Variants in ASPSCR1 observed in about 807,000 individuals in gnomAD.
ASPSCR1 encodes the protein ASPSCR1 tether for SLC2A4, UBX domain containing, also known as tether containing UBX domain for GLUT4.
ASPSCR1 carries 55 observed loss-of-function variants against 68.9 expected under a neutral mutation model. The observed-to-expected ratio is 0.80, with a 90% CI of 0.64 to 1.00. ASPSCR1 has a LOEUF of 1.00. ASPSCR1 is among the 50% of genes least tolerant of loss of function. The probability of loss-of-function intolerance (pLI) is 0.00; values close to 1 mark genes in which losing one functional copy is unlikely to be tolerated. For missense variants in ASPSCR1, 765 were observed against 762.2 expected (o/e 1.00, Z -0.04); for synonymous variants, 352 against 332.6 (o/e 1.06, Z -0.63).
chr17:81,996,521 A>G lies in ASPSCR1; in HGVS notation c.608A>G (p.Glu203Gly), dbSNP rs749301332. Residue 203 changes from glutamate to glycine, a missense_variant, in exon 7 of 16, where the codon GAA becomes GGA. Glu to Gly is a moderately conservative substitution (Grantham distance 98). Transcript: ENST00000306739. Reference protein sequence around the residue: ...QAAASAPLPLESGELSRGDLS... With the variant: ...QAAASAPLPLGSGELSRGDLS... ...GCCGCCAGCGCTCCACTTCCCTTGG[A>G]ATCTGGGGAGCTCAGCCGCGGCGAC... The G allele has an allele frequency of 6.2e-7, 1 of 1,612,812 alleles. No homozygotes were observed. Among genetic ancestry groups the G allele is most frequent in the Admixed American group, 1.7e-5 (1 of 59,984 alleles).
intron 4 of ASPSCR1, among the ~76,000 whole-genome samples, chr17:81,992,924 G>A (rs969520999): frequency 2.0e-5 from 3 of 152,234 alleles, no homozygotes; most frequent in East Asian, 1.9e-4. Context: ...CTCCCCTGTA[G>A]GCAGTGGACC....
chr17:82,016,338 C>T (rs773765956), intron 12 of ASPSCR1, 138 bp from the exon 13 acceptor site: 60 of 749,582 alleles, frequency 8.0e-5, no homozygotes, highest in Admixed American at 1.1e-4. Flanking sequence ...GGAAGCTGGG[C>T]GATGGGCTCA....
chr17:82,015,550 C>G, intron 12 of ASPSCR1: 1 of 741,580 alleles, frequency 1.3e-6, no homozygotes, highest in African/African-American at 1.8e-5. Context: ...AGGTGCCTCT[C>G]TGCATCGGTG....
intron 12 of ASPSCR1, 107 bp downstream of exon 12, chr17:82,012,390 C>A: frequency 7.3e-7 from 1 of 1,362,558 alleles, no homozygotes; most frequent in South Asian, 1.2e-5. Context: ...GGCGCTGGGG[C>A]AGGATAATAA....
intron 4 of ASPSCR1, among the ~76,000 whole-genome samples, chr17:81,992,026 C>T (rs2042186006): frequency 6.6e-6 from 1 of 152,390 alleles, no homozygotes; most frequent in East Asian, 1.9e-4. Flanking sequence ...CCGCTGGCTT[C>T]TGGCCCTGGC....
At position 82,016,370 on chromosome 17, in the gene ASPSCR1, CTGT is replaced by C. The variant is rs1190973260; in HGVS notation, c.1354-105_1354-103del. 13 of 1,031,098 alleles carry C rather than the reference CTGT, an allele frequency of 1.3e-5. No homozygotes were observed. In the East Asian group the frequency reaches 2.9e-4, roughly 23 times the overall value. The allele number at this position is 1,031,098 out of a possible 1,614,324, so 63.9% of individuals were successfully genotyped here. On this transcript the variant is annotated intron_variant, in intron 12 of 15. Coordinates refer to ENST00000306739, the MANE Select transcript of ASPSCR1 (RefSeq NM_024083.4). ...CTCATGGGGGCCGGGCAGGCAGAGC[CTGT>C]CTGAGGGTGGAGCTGGGGCCTGGCC... is the stretch of plus-strand genomic sequence containing the variant.
chr17:82,011,205 C>T (rs2144093911), intron 10 of ASPSCR1, among the ~76,000 whole-genome samples: 1 of 151,356 alleles, frequency 6.6e-6, no homozygotes, highest in Non-Finnish European at 1.5e-5. Flanking sequence ...CTGTGACATT[C>T]AGGGGCTTGT....
intron 10 of ASPSCR1, among the ~76,000 whole-genome samples, 177 bp from the exon 11 acceptor site, chr17:82,011,366 T>C (rs1243678649): frequency 1.3e-5 from 2 of 152,094 alleles, no homozygotes; most frequent in Non-Finnish European, 2.9e-5. Flanking sequence ...GTCCCAAGTG[T>C]GGCCCGCACG....
chr17:81,985,316 C>T (rs1309523960), intron 3 of ASPSCR1, among the ~76,000 whole-genome samples, 191 bp from the exon 4 acceptor site: 1 of 152,192 alleles, frequency 6.6e-6, no homozygotes, highest in African/African-American at 2.4e-5. Context: ...GCTGGTGCAG[C>T]CCTGCCGGGG....
At position 81,988,562 on chromosome 17, in the gene ASPSCR1, G is replaced by A. The variant is rs187219243; in HGVS notation, c.374+2955G>A. ...GTAAAGCCCGGAGCCCCCAGCCTGC[G>A]GCCCTGGTCTGTGTGGCAGTGTGGG... On this transcript the variant is annotated intron_variant, in intron 4 of 15. Coordinates refer to ENST00000306739, the MANE Select transcript of ASPSCR1 (RefSeq NM_024083.4). 1.2e-4 allele frequency among the ~76,000 whole-genome samples: 18 copies of A among 152,316 alleles called. No individual in the cohort carries two copies. In the East Asian group the frequency reaches 2.7e-3, roughly 23 times the overall value.
At chr17:81,984,447 G>A (rs2144002789) in intron 3 of ASPSCR1, among the ~76,000 whole-genome samples, 1 of 152,046 alleles carries the variant, frequency 6.6e-6, no homozygotes, top group Non-Finnish European at 1.5e-5. Context: ...GGTGGTGGCG[G>A]ATGCCTGTAG....
chr17:81,994,419 G>A (rs1029552807), intron 4 of ASPSCR1, among the ~76,000 whole-genome samples: 49 of 152,358 alleles, frequency 3.2e-4, no homozygotes, highest in African/African-American at 1.2e-3. Flanking sequence ...TGAAAGCCCA[G>A]ACGTCGGTAC....
At chr17:81,995,654 C>T (rs1169109735) in intron 5 of ASPSCR1, 1 of 500,006 alleles carries the variant, frequency 2.0e-6, no homozygotes, top group African/African-American at 2.0e-5. Context: ...GTTCCTGCCT[C>T]TCTCGCTCCG....
At chr17:82,001,688 C>T (rs2042536316) in intron 7 of ASPSCR1, among the ~76,000 whole-genome samples, 1 of 152,188 alleles carries the variant, frequency 6.6e-6, no homozygotes, top group African/African-American at 2.4e-5. Context: ...ACCCCACTGG[C>T]CCCTTCTGGC....
intron 7 of ASPSCR1, chr17:82,004,255 C>T (rs12150186): frequency 0.047 from 7,165 of 152,436 alleles, 243 homozygotes; most frequent in African/African-American, 0.095. Context: ...TGAGGCCGCG[C>T]GCCCGCAGGG....
chr17:82,010,174 G>T (rs1449146334), intron 9 of ASPSCR1: 2 of 241,742 alleles, frequency 8.3e-6, no homozygotes, highest in Non-Finnish European at 1.7e-5. Context: ...TGCCCGCCTC[G>T]GCCTCCCAAA....
Position 81,978,886 on chromosome 17 carries a change from G to A in ASPSCR1, c.103-298G>A, listed in dbSNP as rs566691961. ...GGTTGCAGAACTACAGGGTTTGAAG[G>A]AGAGCCCAGGGTGTGTGCCAGGAAG... On this transcript the variant is annotated intron_variant, in intron 1 of 15. Coordinates refer to ENST00000306739, the MANE Select transcript of ASPSCR1 (RefSeq NM_024083.4). The A allele has an allele frequency of 6.2e-6, 3 of 485,358 alleles. No homozygotes were observed. The South Asian group carries it at 6.9e-5, about 11-fold the overall frequency. The allele number at this position is 485,358 out of a possible 1,614,324, so 30.1% of individuals were successfully genotyped here. A position where few individuals can be genotyped will look rare whatever the true frequency, so the allele number is the denominator to read the frequency against.
At chr17:82,007,992 A>T (rs964539027) in intron 7 of ASPSCR1, 1 of 152,216 alleles carries the variant, frequency 6.6e-6, no homozygotes, top group African/African-American at 2.4e-5. Context: ...GACGCTGCTG[A>T]GGTCAGTGCA....
chr17:81,994,938 G>C (rs750704780), intron 5 of ASPSCR1, 60 bp downstream of exon 5: 1 of 1,522,930 alleles, frequency 6.6e-7, no homozygotes, highest in Non-Finnish European at 8.9e-7. Flanking sequence ...TTTCCAACTG[G>C]AAAATCTGCT....
Sources: allele counts gnomAD v4.1 joint callset (sites outside exome capture counted in the v4.1 genomes callset), GRCh38; gene constraint gnomAD v4.1.1; transcripts MANE v1.5; gene names NCBI Gene and HGNC (gene_info 2026-07-23, HGNC 2026-07-21).